The following RIMS2 variants were observed in gnomAD, a reference collection of about 807,000 sequenced individuals.
RIMS2 encodes the protein regulating synaptic membrane exocytosis protein 2.
In RIMS2, 59 loss-of-function variants were observed where a neutral mutation model predicts 174.4. The ratio of observed to expected loss-of-function variants is 0.34; its 90% CI spans 0.27 to 0.42. The LOEUF (loss-of-function observed/expected upper bound fraction) is 0.42, where lower values mean the gene tolerates loss of function less well. RIMS2 is among the 10% of genes least tolerant of loss of function. The probability of loss-of-function intolerance (pLI) is 1.00; values close to 1 mark genes in which losing one functional copy is unlikely to be tolerated. For missense variants in RIMS2, 1,620 were observed against 1,666.3 expected (o/e 0.97, Z 0.48); for synonymous variants, 606 against 572.5 (o/e 1.06, Z -0.84).
intron 3 of RIMS2, among the ~76,000 whole-genome samples, chr8:103,830,059 T>G (rs2098816237): frequency 6.6e-6 from 1 of 152,184 alleles, no homozygotes; most frequent in Non-Finnish European, 1.5e-5. Flanking sequence ...CTTTATTATC[T>G]TGTTAATATC....
intron 3 of RIMS2, among the ~76,000 whole-genome samples, chr8:103,818,847 G>A (rs1290237176): frequency 3.3e-5 from 5 of 151,926 alleles, no homozygotes; most frequent in Admixed American, 2.0e-4. Context: ...TAGAAATATG[G>A]CATTTTAAAT....
intron 3 of RIMS2, chr8:103,768,919 G>A (rs1007800684): frequency 4.4e-6 from 2 of 455,000 alleles, no homozygotes; most frequent in Admixed American, 5.9e-5. Flanking sequence ...TTAACTTTTG[G>A]CCAAGAGAAT....
intron 12 of RIMS2, 93 bp downstream of exon 14, chr8:103,931,486 C>T (rs953212298): frequency 1.2e-6 from 1 of 819,500 alleles, no homozygotes; most frequent in African/African-American, 1.7e-5. Flanking sequence ...TTATTGGTAT[C>T]ATACTAGTGA....
At chr8:103,689,589 T>A (rs1424965017) in intron 1 of RIMS2, among the ~76,000 whole-genome samples, 1 of 152,202 alleles carries the variant, frequency 6.6e-6, no homozygotes, top group Non-Finnish European at 1.5e-5. Context: ...GCTGAATTGA[T>A]TCCTTTATCA....
chr8:103,630,666 A>G (rs2095895046), intron 1 of RIMS2, among the ~76,000 whole-genome samples: 1 of 151,982 alleles, frequency 6.6e-6, no homozygotes, highest in Non-Finnish European at 1.5e-5. Context: ...TAAGTCACAC[A>G]CACACAAACA....
At chr8:104,250,437 G>C (rs1428551333) in intron 22 of RIMS2, among the ~76,000 whole-genome samples, 2 of 152,078 alleles carry the variant, frequency 1.3e-5, no homozygotes, top group Non-Finnish European at 2.9e-5. Context: ...ATATGTCTTA[G>C]AGCTAGTCAA....
rs374614574 is a variant in RIMS2 at position 103,626,622 on chromosome 8, A to C, written c.177-70464A>C. Among the ~76,000 whole-genome samples, 7 of 152,338 alleles carry C rather than the reference A, an allele frequency of 4.6e-5. 1 individual carries two copies. The highest frequency in any genetic ancestry group is 1.7e-4 in the African/African-American group (7 of 41,574). On this transcript the variant is annotated intron_variant, in intron 1 of 23. Coordinates refer to ENST00000504942, the Ensembl canonical transcript of RIMS2. The stretch of plus-strand genomic sequence containing the variant: ...AATACCATAAAAAATATTGATGTCT[A>C]TCGGGGGAACCAGCCCCCAATATTT...
intron 1 of RIMS2, among the ~76,000 whole-genome samples, chr8:103,543,588 T>A (rs578086198): frequency 6.6e-6 from 1 of 152,102 alleles, no homozygotes; most frequent in African/African-American, 2.4e-5. Context: ...GGCATAACAA[T>A]ACCTGATTCT....
At chr8:104,016,854 G>T (rs1302663705) in intron 19 of RIMS2, among the ~76,000 whole-genome samples, 2 of 151,968 alleles carry the variant, frequency 1.3e-5, no homozygotes, top group Non-Finnish European at 2.9e-5. Flanking sequence ...TTCAGAGATG[G>T]TGAAGTTTCT....
chr8:103,658,506 T>C (rs960985616), intron 1 of RIMS2, among the ~76,000 whole-genome samples: 1 of 152,226 alleles, frequency 6.6e-6, no homozygotes, highest in Non-Finnish European at 1.5e-5. Context: ...TACTTTGGTT[T>C]GTCATTTGCT....
At chr8:103,518,304 G>A (rs1380544108) in intron 1 of RIMS2, among the ~76,000 whole-genome samples, 3 of 151,980 alleles carry the variant, frequency 2.0e-5, no homozygotes. Context: ...GGGCCACAAT[G>A]GAAGAAGAGG....
At chr8:103,734,417 T>G (rs4541867) in intron 2 of RIMS2, among the ~76,000 whole-genome samples, 18,387 of 150,888 alleles carry the variant, frequency 0.12, 1,246 homozygotes, top group Middle Eastern at 0.22. Flanking sequence ...TCCATATTTT[T>G]GGGGATATAT....
intron 19 of RIMS2, among the ~76,000 whole-genome samples, chr8:104,144,865 G>A (rs2098619392): frequency 6.6e-6 from 1 of 151,882 alleles, no homozygotes; most frequent in Admixed American, 6.6e-5. Context: ...TTCTGTGACT[G>A]GAAAAACTCT....
At chr8:103,978,868 G>GTA (rs954280203) in intron 16 of RIMS2, among the ~76,000 whole-genome samples, 5 of 152,066 alleles carry the variant, frequency 3.3e-5, no homozygotes, top group Admixed American at 1.3e-4. Flanking sequence ...GCTATATTTT[G>GTA]TATATATATC....
chr8:103,577,795 G>C (rs923924457), intron 1 of RIMS2, among the ~76,000 whole-genome samples: 2 of 152,140 alleles, frequency 1.3e-5, no homozygotes, highest in Non-Finnish European at 2.9e-5. Flanking sequence ...TTGGACCTGA[G>C]AAATATATTT....
intron 2 of RIMS2, among the ~76,000 whole-genome samples, chr8:103,707,061 G>A (rs1379687224): frequency 1.3e-5 from 2 of 151,960 alleles, no homozygotes; most frequent in African/African-American, 2.4e-5. Flanking sequence ...AATTCCACAC[G>A]GAGACATTCT....
intron 3 of RIMS2, among the ~76,000 whole-genome samples, chr8:103,825,143 C>T (rs1040582856): frequency 6.6e-6 from 1 of 152,150 alleles, no homozygotes; most frequent in Non-Finnish European, 1.5e-5. Flanking sequence ...TCCCCTCAGC[C>T]TCCAGAACCA....
chr8:103,793,332 CAT>C (rs2098518606), intron 3 of RIMS2, among the ~76,000 whole-genome samples: 2 of 152,164 alleles, frequency 1.3e-5, no homozygotes, highest in South Asian at 4.1e-4. Context: ...ACAAAAACCA[CAT>C]GATTATCTCA....
intron 19 of RIMS2, among the ~76,000 whole-genome samples, chr8:104,113,364 G>A (rs969004282): frequency 6.6e-6 from 1 of 151,958 alleles, no homozygotes; most frequent in African/African-American, 2.4e-5. Context: ...ACCTTATGAG[G>A]CAGTTCATAT....
Sources: gnomAD v4.1 joint callset for allele counts (sites outside exome capture counted in the v4.1 genomes callset) on GRCh38, gnomAD v4.1.1 for gene constraint, MANE v1.5 for transcripts, NCBI Gene and HGNC (gene_info 2026-07-23, HGNC 2026-07-21) for gene names.